APP: variants seen among roughly 807,000 people sequenced by gnomAD.
APP encodes amyloid beta precursor protein.
APP carries 31 observed loss-of-function variants against 101.4 expected under a neutral mutation model. That is an observed-to-expected ratio of 0.31 (90% CI 0.23 to 0.41). APP has a LOEUF of 0.41. APP is among the 10% of genes least tolerant of loss of function. APP has a pLI of 1.00. For synonymous variants in APP, 366 were observed against 364.4 expected (o/e 1.00, Z -0.05); for missense variants, 839 against 1,003.7 (o/e 0.84, Z 2.22).
intron 6 of APP, among the ~76,000 whole-genome samples, chr21:26,015,933 T>C (rs1217608293): frequency 1.3e-5 from 2 of 151,414 alleles, no homozygotes; most frequent in Non-Finnish European, 2.9e-5. Context: ...GGGCTGTGCC[T>C]AATAAAACTT....
intron 1 of APP, among the ~76,000 whole-genome samples, chr21:26,133,544 G>C (rs1346904710): frequency 6.6e-6 from 1 of 152,124 alleles, no homozygotes; most frequent in East Asian, 1.9e-4. Context: ...CCAGCACTTT[G>C]GGAGGCCGAG....
chr21:25,988,296 G>C (rs975021868), intron 8 of APP, among the ~76,000 whole-genome samples: 4 of 152,194 alleles, frequency 2.6e-5, no homozygotes, highest in Admixed American at 6.5e-5. Context: ...GCCACAGTAA[G>C]GATTCTGAGG....
intron 9 of APP, among the ~76,000 whole-genome samples, chr21:25,980,035 A>T (rs2042368958): frequency 6.6e-6 from 1 of 152,226 alleles, no homozygotes. Flanking sequence ...GAGATGTGTC[A>T]GCGTGAAGAA....
At chr21:26,064,400 G>A (rs1293326342) in intron 3 of APP, among the ~76,000 whole-genome samples, 1 of 152,126 alleles carries the variant, frequency 6.6e-6, no homozygotes, top group Non-Finnish European at 1.5e-5. Context: ...ATTTAAAACT[G>A]TTGTAAAATA....
At chr21:26,101,658 C>T (rs2062060977) in intron 2 of APP, among the ~76,000 whole-genome samples, 1 of 152,122 alleles carries the variant, frequency 6.6e-6, no homozygotes, top group Non-Finnish European at 1.5e-5. Flanking sequence ...TCCCACAATG[C>T]TTTTCACACT....
intron 5 of APP, among the ~76,000 whole-genome samples, chr21:26,028,059 G>A (rs574581866): frequency 6.6e-6 from 1 of 151,960 alleles, no homozygotes; most frequent in East Asian, 1.9e-4. Context: ...AGCTGGACGT[G>A]GGGGTGCACG....
rs111284045 is a variant in APP at position 26,077,732 on chromosome 21, T to C, written c.355+12211A>G. On this transcript the variant is annotated intron_variant, in intron 3 of 17. Transcript: ENST00000346798. ...TGTTGCCTGAGATTTCCCTTCACTA[T>C]AGGGTTTCAAAGCCAAAGCCTAAGA... Among the ~76,000 whole-genome samples the C allele has an allele frequency of 5.0e-3, 702 of 139,898 alleles. 6 individuals are homozygous for C. The highest frequency in any genetic ancestry group is 0.018 in the African/African-American group (670 of 36,882). The allele number at this position is 139,898 out of a possible 152,430, so 91.8% of individuals were successfully genotyped here.
intron 11 of APP, among the ~76,000 whole-genome samples, chr21:25,968,322 CTTTTTT>C (rs34021818): frequency 1.8e-5 from 2 of 113,846 alleles, no homozygotes; most frequent in Admixed American, 1.9e-4. Flanking sequence ...TTAAAAAAAT[CTTTTTT>C]TTTTTTTTTT....
At chr21:26,071,342 T>G (rs1226100296) in intron 3 of APP, among the ~76,000 whole-genome samples, 1 of 152,018 alleles carries the variant, frequency 6.6e-6, no homozygotes, top group Non-Finnish European at 1.5e-5. Context: ...ACGTGAAAGC[T>G]CCATCTTCAG....
intron 1 of APP, among the ~76,000 whole-genome samples, chr21:26,119,520 A>G (rs1413897717): frequency 6.6e-6 from 1 of 152,198 alleles, no homozygotes; most frequent in African/African-American, 2.4e-5. Flanking sequence ...TAGAAGTCCA[A>G]ATCTCCCAAT....
chr21:25,894,952 C>G (rs1459478091), intron 16 of APP, among the ~76,000 whole-genome samples: 2 of 152,132 alleles, frequency 1.3e-5, no homozygotes, highest in African/African-American at 4.8e-5. Flanking sequence ...ACAGCCACCA[C>G]AAACCTCAGC....
intron 1 of APP, 142 bp downstream of exon 1, chr21:26,170,422 G>A (rs1178976600): frequency 1.7e-5 from 15 of 892,856 alleles, no homozygotes; most frequent in African/African-American, 5.2e-5. Context: ...TGCGCTGGAC[G>A]TCCGCAAGCG....
chr21:26,097,613 T>C (rs2061972638), intron 2 of APP, among the ~76,000 whole-genome samples: 2 of 152,166 alleles, frequency 1.3e-5, no homozygotes, highest in Admixed American at 6.5e-5. Flanking sequence ...AGTAGATTAC[T>C]GTAAATAAGC....
chr21:25,887,522 A>G (rs1205933362), intron 17 of APP, among the ~76,000 whole-genome samples: 7 of 103,830 alleles, frequency 6.7e-5, no homozygotes, highest in African/African-American at 2.1e-4. Context: ...TATTTGAAAA[A>G]AAAAAAAAAA....
At chr21:26,163,512 C>A (rs923806647) in intron 1 of APP, among the ~76,000 whole-genome samples, 2 of 152,194 alleles carry the variant, frequency 1.3e-5, no homozygotes, top group African/African-American at 4.8e-5. Flanking sequence ...ATTTATTCCT[C>A]ATCCCTGCTC....
intron 5 of APP, among the ~76,000 whole-genome samples, chr21:26,046,433 A>AG (rs1011055952): frequency 1.3e-5 from 2 of 151,658 alleles, no homozygotes; most frequent in Non-Finnish European, 2.9e-5. Context: ...AAAAAGAAAA[A>AG]GAAAAAAAAA....
intron 5 of APP, among the ~76,000 whole-genome samples, chr21:26,033,430 A>C (rs1182954575): frequency 6.6e-6 from 1 of 152,228 alleles, no homozygotes; most frequent in African/African-American, 2.4e-5. Flanking sequence ...GAGTCAATTA[A>C]ACCTCTTTCC....
intron 16 of APP, among the ~76,000 whole-genome samples, chr21:25,894,363 C>T (rs146409519): frequency 1.5e-3 from 236 of 152,276 alleles, no homozygotes; most frequent in African/African-American, 5.2e-3. Flanking sequence ...CCATAGATAG[C>T]GATTCCTCTA....
intron 1 of APP, among the ~76,000 whole-genome samples, chr21:26,132,547 G>A (rs146738292): frequency 6.9e-4 from 105 of 152,132 alleles, no homozygotes; most frequent in African/African-American, 2.4e-3. Flanking sequence ...TCTCCTACTC[G>A]TGAACTAATT....
Sources: allele counts gnomAD v4.1 joint callset (sites outside exome capture counted in the v4.1 genomes callset), GRCh38; gene constraint gnomAD v4.1.1; transcripts MANE v1.5; gene names NCBI Gene and HGNC (gene_info 2026-07-23, HGNC 2026-07-21).